Variants in TTC28 observed in about 807,000 individuals in gnomAD.
TTC28 encodes tetratricopeptide repeat domain 28, also known as tetratricopeptide repeat protein 28.
In TTC28, 61 loss-of-function variants were observed where a neutral mutation model predicts 198.0. That is an observed-to-expected ratio of 0.31 (90% CI 0.25 to 0.38). The LOEUF (loss-of-function observed/expected upper bound fraction) is 0.38, where lower values mean the gene tolerates loss of function less well. TTC28 is among the 10% of genes least tolerant of loss of function. The pLI is 1.00. For missense variants in TTC28, 2,678 were observed against 3,164.0 expected (o/e 0.85, Z 3.69); for synonymous variants, 1,171 against 1,297.8 (o/e 0.90, Z 2.10).
At chr22:27,995,636 C>T (rs1457517990) in intron 17 of TTC28, among the ~76,000 whole-genome samples, 3 of 152,148 alleles carry the variant, frequency 2.0e-5, no homozygotes, top group Admixed American at 6.5e-5. Context: ...TAGGACTCTG[C>T]GCCAAGTACT....
In TTC28 at chr22:28,553,501, G is replaced by A. The variant is rs1179895769; in HGVS notation, c.381+76051C>T. On this transcript the variant is annotated intron_variant, in intron 2 of 22. Transcript: ENST00000397906. ...CAACCCCGTCTGGGAGGCGAGGAGC[G>A]TCTCTGCCCGGCCGCCCCGTCTGAG... Among the ~76,000 whole-genome samples, 21 of 150,732 alleles carry A rather than the reference G, an allele frequency of 1.4e-4. No homozygotes were observed. The East Asian group carries it at 2.4e-3, about 17-fold the overall frequency.
rs1220762668 is a variant in TTC28, at chr22:28,032,250, A to T, written c.3933-1884T>A. On this transcript the variant is annotated intron_variant, in intron 12 of 22. Transcript: ENST00000397906. ...ATATATATAAAATATATATATATAA[A>T]ATATATATATATATATAGTGTGTGT... Among the ~76,000 whole-genome samples the T allele has an allele frequency of 3.4e-3, 304 of 90,036 alleles. 12 individuals are homozygous for T. The highest frequency in any genetic ancestry group is 0.014 in the African/African-American group (282 of 19,900). 59.1% of individuals were successfully genotyped at this position (90,036 alleles called of 152,430 possible).
intron 5 of TTC28, among the ~76,000 whole-genome samples, chr22:28,164,857 G>A (rs1044441704): frequency 1.3e-5 from 2 of 152,142 alleles, no homozygotes; most frequent in Admixed American, 6.5e-5. Context: ...AGAGAAGAAG[G>A]CTTCAGATGA....
At chr22:28,634,970 T>C (rs1030788973) in intron 1 of TTC28, among the ~76,000 whole-genome samples, 3 of 152,234 alleles carry the variant, frequency 2.0e-5, no homozygotes, top group Admixed American at 6.5e-5. Context: ...TATATATATG[T>C]TGTACTTAAA....
chr22:28,481,624 T>C (rs1242457322), intron 2 of TTC28, among the ~76,000 whole-genome samples: 2 of 152,186 alleles, frequency 1.3e-5, no homozygotes, highest in African/African-American at 2.4e-5. Flanking sequence ...ATTAGGTAAA[T>C]AGATGAGAAT....
intron 14 of TTC28, among the ~76,000 whole-genome samples, chr22:28,009,269 C>T (rs538145397): frequency 2.0e-5 from 3 of 152,276 alleles, no homozygotes; most frequent in African/African-American, 4.8e-5. Flanking sequence ...TATTCTGTTC[C>T]ACTTTTCATA....
At chr22:28,283,350 C>CG (rs2044621289) in intron 5 of TTC28, among the ~76,000 whole-genome samples, 2 of 145,264 alleles carry the variant, frequency 1.4e-5, no homozygotes, top group South Asian at 2.2e-4. Flanking sequence ...ACACACACAC[C>CG]ACAAGCCTTT....
chr22:28,104,459 C>A (rs1942240855), intron 8 of TTC28, among the ~76,000 whole-genome samples: 1 of 152,212 alleles, frequency 6.6e-6, no homozygotes, highest in Non-Finnish European at 1.5e-5. Context: ...AAATCAGTAA[C>A]CATTCCTTTT....
intron 5 of TTC28, among the ~76,000 whole-genome samples, chr22:28,219,149 C>T (rs1420900696): frequency 6.6e-6 from 1 of 151,958 alleles, no homozygotes; most frequent in African/African-American, 2.4e-5. Context: ...TAGCTATGTA[C>T]TTGGGCACAT....
intron 2 of TTC28, among the ~76,000 whole-genome samples, chr22:28,579,111 T>G (rs1321391113): frequency 6.6e-6 from 1 of 151,564 alleles, no homozygotes; most frequent in Non-Finnish European, 1.5e-5. Context: ...TATATGTATA[T>G]AGCTATACAT....
intron 2 of TTC28, among the ~76,000 whole-genome samples, chr22:28,594,505 A>G (rs1555898859): frequency 6.7e-6 from 1 of 148,212 alleles, no homozygotes; most frequent in Non-Finnish European, 1.5e-5. Context: ...ATCCTTTGGT[A>G]CCCTGGGGCA....
rs116643848 is a variant in TTC28, at chr22:28,171,855, T to C, written c.934-8256A>G. On this transcript the variant is annotated intron_variant, in intron 5 of 22. Transcript: ENST00000397906. ...AGTCAACAAAGAGCATGTCACTTGG[T>C]TGTGTACTGGCCTCAGGTTCCTACT... is the stretch of plus-strand genomic sequence containing the variant. Among the ~76,000 whole-genome samples, 777 of 152,252 alleles carry C rather than the reference T, an allele frequency of 5.1e-3. 7 individuals carry two copies. Among genetic ancestry groups the C allele is most frequent in the African/African-American group, 0.018 (730 of 41,556 alleles).
At chr22:28,003,152 A>G (rs949303601) in intron 14 of TTC28, among the ~76,000 whole-genome samples, 1 of 152,104 alleles carries the variant, frequency 6.6e-6, no homozygotes, top group Non-Finnish European at 1.5e-5. Context: ...GTTGTAGGGC[A>G]CCTGGGCCCC....
chr22:28,309,125 G>A (rs1228807289), intron 2 of TTC28, among the ~76,000 whole-genome samples: 3 of 152,186 alleles, frequency 2.0e-5, no homozygotes, highest in Non-Finnish European at 4.4e-5. Flanking sequence ...TACAGTACTT[G>A]GCAAAGAGTT....
intron 12 of TTC28, among the ~76,000 whole-genome samples, chr22:28,085,644 C>A (rs1204947192): frequency 1.3e-5 from 2 of 152,066 alleles, no homozygotes; most frequent in Non-Finnish European, 2.9e-5. Context: ...ATGACAGGAT[C>A]AAATTCACAC....
At chr22:28,388,120 G>A (rs1254033235) in intron 2 of TTC28, among the ~76,000 whole-genome samples, 1 of 152,148 alleles carries the variant, frequency 6.6e-6, no homozygotes, top group Non-Finnish European at 1.5e-5. Flanking sequence ...CCCATTGCTT[G>A]TTTTTCTCAG....
intron 2 of TTC28, among the ~76,000 whole-genome samples, chr22:28,451,284 C>T (rs998517515): frequency 3.3e-5 from 5 of 152,142 alleles, no homozygotes; most frequent in African/African-American, 9.7e-5. Context: ...GTCATGTCTT[C>T]GCAGAAGGGG....
intron 1 of TTC28, among the ~76,000 whole-genome samples, chr22:28,661,858 C>T (rs2051754414): frequency 6.6e-6 from 1 of 152,058 alleles, no homozygotes; most frequent in African/African-American, 2.4e-5. Flanking sequence ...CCACCTGCCT[C>T]GGCCTCCCAA....
intron 2 of TTC28, among the ~76,000 whole-genome samples, chr22:28,549,017 CT>C (rs1353058930): frequency 6.6e-6 from 1 of 151,816 alleles, no homozygotes; most frequent in Admixed American, 6.6e-5. Context: ...CTAAATTCTA[CT>C]TTTTTTTCTT....
Sources: gnomAD v4.1 joint callset for allele counts (sites outside exome capture counted in the v4.1 genomes callset) on GRCh38, gnomAD v4.1.1 for gene constraint, MANE v1.5 for transcripts, NCBI Gene and HGNC (gene_info 2026-07-23, HGNC 2026-07-21) for gene names.